Variants in MCM2 observed in about 807,000 individuals in gnomAD.
The protein encoded by MCM2 is DNA replication licensing factor MCM2.
Under a neutral mutation model 86.4 loss-of-function variants are expected in MCM2, and 49 were observed. The observed-to-expected ratio is 0.57, with a 90% CI of 0.45 to 0.72. The LOEUF is 0.72. Among genes scored for constraint, MCM2 ranks in the 30% least tolerant of loss-of-function variants. MCM2 has a pLI of 0.00. For missense variants in MCM2, 1,038 were observed against 1,259.9 expected (o/e 0.82, Z 2.67); for synonymous variants, 475 against 484.6 (o/e 0.98, Z 0.26).
Position 127,603,786 on chromosome 3 carries a change from C to T in MCM2, c.237-822C>T, listed in dbSNP as rs74552961. On this transcript the variant is annotated intron_variant, in intron 2 of 15. Transcript: ENST00000265056. ...AAGCGATTCTCCTGCCTCAGCCTCT[C>T]GAGTAGCTGGGACTAGAGGCACATG... 1.1e-3 allele frequency among the ~76,000 whole-genome samples: 169 copies of T among 152,284 alleles called. 4 individuals are homozygous for T. The East Asian group carries it at 0.031, about 28-fold the overall frequency.
chr3:127,620,136 A>G (rs1214138350), intron 13 of MCM2, among the ~76,000 whole-genome samples: 1 of 152,148 alleles, frequency 6.6e-6, no homozygotes, highest in Non-Finnish European at 1.5e-5. Context: ...ACTTTGTGTA[A>G]ATTTCACTCT....
Position 127,606,016 on chromosome 3 carries a change from A to G in MCM2, c.674-102A>G. 1 of 826,878 alleles carries G rather than the reference A, an allele frequency of 1.2e-6. No homozygotes were observed. Among genetic ancestry groups the G allele is most frequent in the Non-Finnish European group, 2.0e-6 (1 of 501,542 alleles). The allele number at this position is 826,878 out of a possible 1,614,324, so 51.2% of individuals were successfully genotyped here. On this transcript the variant is annotated intron_variant, in intron 4 of 15. Transcript: ENST00000265056. The surrounding 1 kb of genome is among the most constrained non-coding windows in gnomAD (Gnocchi z 4.2). ...AAGCTGGGCTTTCTAGGTCAAAATC[A>G]ATGGTCGGGGTGGGTAGGCCTTGCT...
intron 8 of MCM2, among the ~76,000 whole-genome samples, chr3:127,615,074 T>A (rs2074423518): frequency 6.6e-6 from 1 of 152,200 alleles, no homozygotes; most frequent in Non-Finnish European, 1.5e-5. Context: ...CCCTCCACCT[T>A]CAGGGCTGGT....
chr3:127,610,138 C>T (rs1232194051), intron 8 of MCM2, among the ~76,000 whole-genome samples: 6 of 152,094 alleles, frequency 3.9e-5, no homozygotes, highest in Admixed American at 3.9e-4. Context: ...GGCACCACGC[C>T]CGGCCTTCAA....
rs1339459066 is a variant in MCM2, at chr3:127,618,274, AC to A, written c.2013+198del. ...TTCTCTTTCCTTCACAGCACCCCCG[AC>A]CCCCACCCTACATAACCCACAATCC... On this transcript the variant is annotated intron_variant, in intron 12 of 15. Transcript: ENST00000265056. This position sits in a 1 kb window ranked among gnomAD's most constrained non-coding sequence, Gnocchi z 4.0. Among the ~76,000 whole-genome samples the A allele has an allele frequency of 6.6e-6, 1 of 150,598 alleles. No individual in the cohort carries two copies. Among genetic ancestry groups the A allele is most frequent in the Non-Finnish European group, 1.5e-5 (1 of 67,740 alleles).
intron 8 of MCM2, among the ~76,000 whole-genome samples, chr3:127,614,229 A>G (rs1463597012): frequency 6.6e-6 from 1 of 152,198 alleles, no homozygotes; most frequent in Admixed American, 6.5e-5. Flanking sequence ...TTTTTTCTGT[A>G]ACTACATCAG....
chr3:127,604,906 G>C lies in MCM2; in HGVS notation c.423G>C (p.Glu141Asp), dbSNP rs145141037. 2.3e-5 allele frequency: 37 copies of C among 1,611,202 alleles called. No individual in the cohort carries two copies. The African/African-American group carries it at 4.8e-4, about 21-fold the overall frequency. ...CTCTTGCCTCCCCAGACAGCGATGA[G>C]GAGGACGAGGAGCGCCCTGCCCGCA... ...MRRGLLYDSD[E>D]EDEERPARKR... is the part of the protein sequence containing the mutation. Residue 141 changes from glutamate to aspartate, a missense_variant, in exon 4 of 16, where the codon GAG (glutamate) becomes GAC (aspartate). Coordinates refer to ENST00000265056, the MANE Select transcript of MCM2 (RefSeq NM_004526.4).
chr3:127,598,597 G>C, intron 1 of MCM2, 125 bp downstream of exon 1: 8 of 1,291,228 alleles, frequency 6.2e-6, no homozygotes, highest in Non-Finnish European at 8.4e-6. Flanking sequence ...GCTCTGGGGC[G>C]CAGCTACTTT....
At chr3:127,604,373 C>T (rs1240298321) in intron 2 of MCM2, 3 of 497,958 alleles carry the variant, frequency 6.0e-6, no homozygotes, top group East Asian at 3.1e-5. Context: ...TGTGCCAGCA[C>T]GTGGCAGAAT....
At chr3:127,599,000 T>C (rs1007737039) in intron 1 of MCM2, 14 of 461,050 alleles carry the variant, frequency 3.0e-5, no homozygotes, top group African/African-American at 2.2e-4. Flanking sequence ...GGGGAGATAA[T>C]AGACAGTAAA....
At chr3:127,615,735 T>G in intron 8 of MCM2, 127 bp from the exon 9 acceptor site, 1 of 697,002 alleles carries the variant, frequency 1.4e-6, no homozygotes, top group Non-Finnish European at 2.6e-6. Context: ...CCTGATGCAG[T>G]TGCAGCAGCT....
chr3:127,615,734 GT>G (rs1402660374), intron 8 of MCM2, 127 bp from the exon 9 acceptor site: 3 of 695,972 alleles, frequency 4.3e-6, no homozygotes, highest in African/African-American at 3.5e-5. Context: ...GCCTGATGCA[GT>G]TGCAGCAGCT....
chr3:127,615,984 T>A lies in MCM2; in HGVS notation c.1522+29T>A, dbSNP rs774773305. 7.8e-6 allele frequency: 12 copies of A among 1,538,174 alleles called. No individual in the cohort carries two copies. In the African/African-American group the frequency reaches 1.6e-4, roughly 21 times the overall value. On this transcript the variant is annotated intron_variant, in intron 9 of 15. Transcript: ENST00000265056. ...AGCACCCACCTTTCCTCTGCAGGGGTGTTAGCAGCTTTCTCTTTGGGGAGC... is the reference window on the plus strand; with the variant it reads ...AGCACCCACCTTTCCTCTGCAGGGGAGTTAGCAGCTTTCTCTTTGGGGAGC...
chr3:127,599,933 A>G (rs1033111041), intron 2 of MCM2, among the ~76,000 whole-genome samples: 1 of 152,250 alleles, frequency 6.6e-6, no homozygotes, highest in Non-Finnish European at 1.5e-5. Context: ...TTTAGAGTCA[A>G]TCAGCAAACA....
chr3:127,599,469 C>G lies in MCM2; in HGVS notation c.158C>G (p.Ser53Cys), dbSNP rs2074290230. 1.2e-6 allele frequency: 2 copies of G among 1,614,024 alleles called. No individual in the cohort carries two copies. The highest frequency in any genetic ancestry group is 2.7e-5 in the African/African-American group (2 of 74,920). Reference sequence around the variant, plus strand: ...GACCTTCCACCATTTGAGGATGAGTCCGAGGGGCTCCTAGGCACAGAGGGG... The same window carrying G: ...GACCTTCCACCATTTGAGGATGAGTGCGAGGGGCTCCTAGGCACAGAGGGG... ...GRDLPPFEDE[S>C]EGLLGTEGPL... Residue 53 changes from serine to cysteine, a missense_variant, in exon 2 of 16, where the codon TCC (serine) becomes TGC (cysteine). Ser to Cys is a moderately radical substitution (Grantham distance 112). This residue lies in a region of MCM2 where 300 missense variants were observed against 307.4 expected (regional missense o/e 0.98). Transcript: ENST00000265056.
chr3:127,611,704 T>TGAGTTAG (rs2074398023), intron 8 of MCM2, among the ~76,000 whole-genome samples: 2 of 122,626 alleles, frequency 1.6e-5, no homozygotes, highest in African/African-American at 6.9e-5. Flanking sequence ...TTTTTTTTTT[T>TGAGTTAG]TTTTTTTTTT....
chr3:127,619,391 G>A (rs1339904593), intron 13 of MCM2, 113 bp downstream of exon 13: 4 of 1,375,494 alleles, frequency 2.9e-6, no homozygotes, highest in African/African-American at 1.5e-5. Flanking sequence ...TGCCAGAGCA[G>A]GGAGGCATTA....
rs138708920 is a variant in MCM2, at chr3:127,617,001, G to A, written c.1656G>A (p.Ser552=). The change falls in exon 10 of 16, where the codon TCG becomes TCA. Residue 552 remains serine (S), a synonymous_variant. Transcript: ENST00000265056. The surrounding 1 kb of genome is among the most constrained non-coding windows in gnomAD (Gnocchi z 4.1). ...TCTTCACCACTGGCCAGGGGGCGTCGGCTGTGGGCCTCACGGCGTATGTCC... is the reference window on the plus strand; with the variant it reads ...TCTTCACCACTGGCCAGGGGGCGTCAGCTGTGGGCCTCACGGCGTATGTCC... ...RAIFTTGQGA[S]AVGLTAYVQR... is the part of the protein sequence containing the mutation. 2,675 of 1,614,166 alleles carry A rather than the reference G, an allele frequency of 1.7e-3. 32 individuals are homozygous for A. The highest frequency in any genetic ancestry group is 4.8e-4 in the Non-Finnish European group (569 of 1,180,044).
rs1019905447 is a variant in MCM2, at chr3:127,618,517, C to G, written c.2013+436C>G. Among the ~76,000 whole-genome samples, 1 of 152,196 alleles carries G rather than the reference C, an allele frequency of 6.6e-6. No homozygotes were observed. The highest frequency in any genetic ancestry group is 2.4e-5 in the African/African-American group (1 of 41,458). On this transcript the variant is annotated intron_variant, in intron 12 of 15. Coordinates refer to ENST00000265056, the MANE Select transcript of MCM2 (RefSeq NM_004526.4). This position sits in a 1 kb window ranked among gnomAD's most constrained non-coding sequence, Gnocchi z 4.0. ...AGGGTCCTCCCCTCCGGCCCGCACC[C>G]GCCATCTCTGCAGCTACCTCCTCCT...
Sources: allele counts gnomAD v4.1 joint callset (sites outside exome capture counted in the v4.1 genomes callset), GRCh38; gene constraint gnomAD v4.1.1; regional missense constraint gnomAD v4.1.1; non-coding constraint Gnocchi (gnomAD v3.1); transcripts MANE v1.5; gene names NCBI Gene and HGNC (gene_info 2026-07-23, HGNC 2026-07-21).